The following INSR variants were observed in gnomAD, a reference collection of about 807,000 sequenced individuals.
INSR encodes the protein insulin receptor, also known as IR.
A neutral mutation model predicts 142.6 loss-of-function variants in INSR; 67 were observed. The ratio of observed to expected loss-of-function variants is 0.47; its 90% CI spans 0.39 to 0.58. The LOEUF is 0.58. Ranked by LOEUF, INSR falls within the 20% of genes least tolerant of loss-of-function variation. The pLI, the probability that INSR is intolerant of heterozygous loss-of-function variation, is 0.00. For missense variants in INSR, 1,248 were observed against 1,833.2 expected, an observed-to-expected ratio of 0.68 and a Z score of 5.83; for synonymous variants, 756 against 743.1, an observed-to-expected ratio of 1.02 and a Z score of -0.28.
At chr19:7,249,802 C>T (rs559500785) in intron 2 of INSR, among the ~76,000 whole-genome samples, 14 of 152,246 alleles carry the variant, frequency 9.2e-5, no homozygotes, top group African/African-American at 3.4e-4. Flanking sequence ...ACCATCCTGG[C>T]TAACAGGGTG....
chr19:7,162,326 CAAAAAAAA>C (rs34182944), intron 9 of INSR, among the ~76,000 whole-genome samples: 1 of 63,100 alleles, frequency 1.6e-5, no homozygotes, highest in Non-Finnish European at 3.0e-5. Context: ...GACCCTGTCT[CAAAAAAAA>C]AAAAAAAAAA....
At chr19:7,198,168 T>G (rs908265119) in intron 2 of INSR, among the ~76,000 whole-genome samples, 11 of 151,732 alleles carry the variant, frequency 7.2e-5, no homozygotes, top group African/African-American at 2.4e-4. Context: ...CGGGGCGCAC[T>G]CCGCTCCGGG....
intron 2 of INSR, among the ~76,000 whole-genome samples, chr19:7,223,041 A>G (rs751130537): frequency 3.3e-5 from 5 of 152,096 alleles, no homozygotes; most frequent in Non-Finnish European, 7.4e-5. Context: ...AAATTAGCCC[A>G]GTGTGGTGGC....
rs894037534 is a variant in INSR, at chr19:7,150,436, G to C, written c.2267+61C>G. 1 of 1,535,652 alleles carries C rather than the reference G, an allele frequency of 6.5e-7. No individual in the cohort carries two copies. Among genetic ancestry groups the C allele is most frequent in the Non-Finnish European group, 9.0e-7 (1 of 1,110,696 alleles). On this transcript the variant is annotated intron_variant, in intron 11 of 21. Coordinates refer to ENST00000302850, the MANE Select transcript of INSR (RefSeq NM_000208.4). This position sits in a 1 kb window ranked among gnomAD's most constrained non-coding sequence, Gnocchi z 4.2. ...AACCCCTGGGTTCTCCGAGGCATCT[G>C]CCTGGCACGCCGCCGGCCCTGCGCG...
intron 4 of INSR, among the ~76,000 whole-genome samples, chr19:7,173,770 C>T (rs11671460): frequency 0.21 from 31,311 of 151,442 alleles, 3,545 homozygotes; most frequent in South Asian, 0.26. Flanking sequence ...CAGGCACGCA[C>T]CACCAAGCCT....
At chr19:7,161,199 A>G (rs940266776) in intron 9 of INSR, among the ~76,000 whole-genome samples, 3 of 150,164 alleles carry the variant, frequency 2.0e-5, no homozygotes, top group Non-Finnish European at 4.4e-5. Flanking sequence ...ATTTTTATAC[A>G]ATAAAATGAT....
At chr19:7,222,866 C>G (rs552367502) in intron 2 of INSR, among the ~76,000 whole-genome samples, 1 of 152,198 alleles carries the variant, frequency 6.6e-6, no homozygotes, top group Admixed American at 6.5e-5. Flanking sequence ...GCAAAAAAGG[C>G]AAAGAGGGAG....
rs565544772 is a variant in INSR at position 7,255,653 on chromosome 19, T to C, written c.652+11692A>G. ...GGTACAGTGGTGTAATCATAGCTCA[T>C]TGCAGCCTCAAAGTCCCAGGCTCAA... On this transcript the variant is annotated intron_variant, in intron 2 of 21. Coordinates refer to ENST00000302850, the MANE Select transcript of INSR (RefSeq NM_000208.4). Among the ~76,000 whole-genome samples, 20 of 151,842 alleles carry C rather than the reference T, an allele frequency of 1.3e-4. No individual in the cohort carries two copies. The South Asian group carries it at 4.2e-3, about 32-fold the overall frequency.
At chr19:7,148,651 T>C (rs1973242105) in intron 11 of INSR, among the ~76,000 whole-genome samples, 1 of 149,700 alleles carries the variant, frequency 6.7e-6, no homozygotes, top group African/African-American at 2.5e-5. Context: ...CTAATTTTTA[T>C]ATTTCTTGTA....
At chr19:7,199,872 A>G (rs1420098642) in intron 2 of INSR, among the ~76,000 whole-genome samples, 1 of 151,900 alleles carries the variant, frequency 6.6e-6, no homozygotes, top group Non-Finnish European at 1.5e-5. Flanking sequence ...TGTCTTGCTT[A>G]TTACAGCATC....
intron 2 of INSR, among the ~76,000 whole-genome samples, chr19:7,223,159 G>A (rs1258680193): frequency 1.3e-5 from 2 of 152,100 alleles, no homozygotes; most frequent in African/African-American, 4.8e-5. Context: ...CTCCAGCGTG[G>A]GTGACAGAGT....
intron 13 of INSR, among the ~76,000 whole-genome samples, chr19:7,132,773 T>A (rs1388482518): frequency 6.6e-6 from 1 of 151,974 alleles, no homozygotes; most frequent in Non-Finnish European, 1.5e-5. Context: ...GTATTTTCAG[T>A]AAAGACAGGG....
chr19:7,113,664 T>C lies in INSR; in HGVS notation c.*3392A>G, dbSNP rs1206427005. On this transcript the variant is annotated 3_prime_UTR_variant, in exon 22 of 22. Transcript: ENST00000302850. ...GTTTTGTTGCTTTTTGTTGTTGTTG[T>C]TGCAACTTAACACTACAAACTCCCA... 1.3e-5 allele frequency: 2 copies of C among 152,194 alleles called. No individual in the cohort carries two copies. The highest frequency in any genetic ancestry group is 2.4e-5 in the African/African-American group (1 of 41,456). The allele number at this position is 152,194 out of a possible 1,614,324, so 9.4% of individuals were successfully genotyped here. A position where few individuals can be genotyped will look rare whatever the true frequency, so the allele number is the denominator to read the frequency against.
At chr19:7,227,261 G>A (rs1476582341) in intron 2 of INSR, among the ~76,000 whole-genome samples, 1 of 147,836 alleles carries the variant, frequency 6.8e-6, no homozygotes, top group Non-Finnish European at 1.5e-5. Flanking sequence ...GAATAATCAA[G>A]CAAACATTTG....
At position 7,267,850 on chromosome 19, in the gene INSR, C is replaced by T. The variant is rs779567065; in HGVS notation, c.147G>A (p.Glu49=). 3.1e-6 allele frequency: 5 copies of T among 1,614,048 alleles called. No homozygotes were observed. The South Asian group carries it at 4.4e-5, about 14-fold the overall frequency. The change falls in exon 2 of 22, where the codon GAG becomes GAA. Residue 49 remains glutamate (E), a synonymous_variant. Transcript: ENST00000302850. This position sits in a 1 kb window ranked among gnomAD's most constrained non-coding sequence, Gnocchi z 6.3. ...CTTCGATGACAGAGCAATTCTCCAG[C>T]TCATGCAACCTAGTGAGGTTGTTCC... ...DIRNNLTRLH[E]LENCSVIEGH...
At chr19:7,250,454 A>C (rs553672834) in intron 2 of INSR, among the ~76,000 whole-genome samples, 1 of 86,602 alleles carries the variant, frequency 1.2e-5, no homozygotes, top group East Asian at 3.3e-4. Context: ...AGAAGAAAGA[A>C]AAGGAAGAAA....
intron 13 of INSR, among the ~76,000 whole-genome samples, chr19:7,138,274 GA>G (rs1203817457): frequency 6.6e-6 from 1 of 152,092 alleles, no homozygotes; most frequent in Non-Finnish European, 1.5e-5. Context: ...GATACAGGGG[GA>G]TTCTTAACTG....
At chr19:7,120,947 C>T (rs1972476220) in intron 19 of INSR, among the ~76,000 whole-genome samples, 198 bp from the exon 20 acceptor site, 2 of 152,032 alleles carry the variant, frequency 1.3e-5, no homozygotes, top group Middle Eastern at 6.8e-3. Flanking sequence ...AGATGGGCTA[C>T]TGTTTAAAGG....
Position 7,166,550 on chromosome 19 carries a change from A to G in INSR, c.1611-146T>C, listed in dbSNP as rs1973895122. On this transcript the variant is annotated intron_variant, in intron 7 of 21. Coordinates refer to ENST00000302850, the MANE Select transcript of INSR (RefSeq NM_000208.4). This position sits in a 1 kb window ranked among gnomAD's most constrained non-coding sequence, Gnocchi z 4.1. ...ATGCCACAAGAAAAAATAACTCGGG[A>G]ACAGCCAAAGAGAAAGGAACTGTCA... 2 of 902,376 alleles carry G rather than the reference A, an allele frequency of 2.2e-6. No homozygotes were observed. The highest frequency in any genetic ancestry group is 3.3e-5 in the African/African-American group (2 of 60,456). 55.9% of individuals were successfully genotyped at this position (902,376 alleles called of 1,614,324 possible). A position where few individuals can be genotyped will look rare whatever the true frequency, so the allele number is the denominator to read the frequency against.
Sources: allele counts gnomAD v4.1 joint callset (sites outside exome capture counted in the v4.1 genomes callset), GRCh38; gene constraint gnomAD v4.1.1; non-coding constraint Gnocchi (gnomAD v3.1); transcripts MANE v1.5; gene names NCBI Gene and HGNC (gene_info 2026-07-23, HGNC 2026-07-21).